Variants in APBB1IP observed in about 807,000 individuals in gnomAD.
The protein encoded by APBB1IP is amyloid beta precursor protein binding family B member 1 interacting protein, also known as amyloid beta A4 precursor protein-binding family B member 1-interacting protein.
APBB1IP carries 27 observed loss-of-function variants against 64.9 expected under a neutral mutation model. The ratio of observed to expected loss-of-function variants is 0.42; its 90% CI spans 0.31 to 0.57. The LOEUF is 0.57. APBB1IP is among the 20% of genes least tolerant of loss of function. APBB1IP has a pLI of 0.20. For synonymous variants in APBB1IP, 392 were observed against 331.0 expected, an observed-to-expected ratio of 1.18 and a Z score of -2.00; for missense variants, 812 against 845.5, an observed-to-expected ratio of 0.96 and a Z score of 0.49.
chr10:26,445,167 A>T (rs1835382151), intron 2 of APBB1IP, among the ~76,000 whole-genome samples: 2 of 151,292 alleles, frequency 1.3e-5, no homozygotes, highest in African/African-American at 4.8e-5. Context: ...AAAGAAAGAA[A>T]GAAAGAAAGA....
Position 26,567,361 on chromosome 10 carries a change from A to G in APBB1IP, c.1874A>G (p.Lys625Arg). 1.3e-6 allele frequency: 2 copies of G among 1,533,282 alleles called. No individual in the cohort carries two copies. The highest frequency in any genetic ancestry group is 1.8e-6 in the Non-Finnish European group (2 of 1,133,292). 95.0% of individuals were successfully genotyped at this position (1,533,282 alleles called of 1,614,324 possible). A position where few individuals can be genotyped will look rare whatever the true frequency, so the allele number is the denominator to read the frequency against. The change falls in exon 15 of 15, where the codon AAG becomes AGG. Residue 625 changes from lysine (K) to arginine (R), a missense_variant. This residue lies in a region of APBB1IP where 381 missense variants were observed against 352.1 expected (regional missense o/e 1.08). Coordinates refer to ENST00000376236, the MANE Select transcript of APBB1IP (RefSeq NM_019043.4). Reference protein sequence around the residue: ...DSARPPPAVAKRPPVPPKRQE... With the variant: ...DSARPPPAVARRPPVPPKRQE... ...GCCAGGCCGCCCCCCGCGGTGGCCAAGAGGCCTCCTGTGCCCCCCAAGAGG... is the reference window on the plus strand; with the variant it reads ...GCCAGGCCGCCCCCCGCGGTGGCCAGGAGGCCTCCTGTGCCCCCCAAGAGG...
chr10:26,465,336 T>C (rs1303301418), intron 2 of APBB1IP, among the ~76,000 whole-genome samples: 1 of 152,208 alleles, frequency 6.6e-6, no homozygotes, highest in Non-Finnish European at 1.5e-5. Flanking sequence ...TTGCTGTTTG[T>C]GACACTCTGT....
intron 6 of APBB1IP, among the ~76,000 whole-genome samples, 185 bp downstream of exon 6, chr10:26,503,459 C>T (rs1019935844): frequency 1.3e-5 from 2 of 152,086 alleles, no homozygotes; most frequent in Non-Finnish European, 2.9e-5. Context: ...CATGGCAAAA[C>T]CCCGTCTCTA....
At chr10:26,476,349 A>G (rs1835775161) in intron 2 of APBB1IP, among the ~76,000 whole-genome samples, 1 of 150,148 alleles carries the variant, frequency 6.7e-6, no homozygotes, top group African/African-American at 2.4e-5. Flanking sequence ...TGGGAGGCTG[A>G]AGCAGGAGGA....
At chr10:26,462,091 C>T (rs913998712) in intron 2 of APBB1IP, among the ~76,000 whole-genome samples, 1 of 152,178 alleles carries the variant, frequency 6.6e-6, no homozygotes, top group African/African-American at 2.4e-5. Flanking sequence ...ACTAGCCATG[C>T]TTGTTTGTTT....
At chr10:26,496,016 A>G (rs921934899) in intron 3 of APBB1IP, among the ~76,000 whole-genome samples, 2 of 145,292 alleles carry the variant, frequency 1.4e-5, no homozygotes, top group African/African-American at 5.1e-5. Flanking sequence ...GTGTGTGTTC[A>G]CCATTACAAG....
chr10:26,447,068 G>A (rs948425977), intron 2 of APBB1IP, among the ~76,000 whole-genome samples: 1 of 152,210 alleles, frequency 6.6e-6, no homozygotes, highest in East Asian at 1.9e-4. Flanking sequence ...CTTTGAAGGA[G>A]AAAGGTATAG....
intron 4 of APBB1IP, among the ~76,000 whole-genome samples, chr10:26,499,752 C>G (rs374722539): frequency 6.6e-6 from 1 of 152,138 alleles, no homozygotes; most frequent in African/African-American, 2.4e-5. Context: ...TGGAAGAAAT[C>G]CTAAGGAGAT....
intron 8 of APBB1IP, among the ~76,000 whole-genome samples, chr10:26,532,894 C>T (rs557520269): frequency 3.2e-4 from 49 of 152,244 alleles, no homozygotes; most frequent in Middle Eastern, 3.4e-3. Flanking sequence ...AATAGTAAAC[C>T]TTGTGTTGTG....
At chr10:26,528,744 C>T (rs1172607813) in intron 8 of APBB1IP, among the ~76,000 whole-genome samples, 1 of 152,146 alleles carries the variant, frequency 6.6e-6, no homozygotes, top group Non-Finnish European at 1.5e-5. Flanking sequence ...TCAAACCAGC[C>T]TGGGCAACAT....
intron 7 of APBB1IP, 82 bp downstream of exon 7, chr10:26,511,988 T>A (rs1836267189): frequency 7.0e-7 from 1 of 1,438,406 alleles, no homozygotes; most frequent in Non-Finnish European, 9.5e-7. Context: ...TATTCTTTTT[T>A]TCTCTTTAAT....
At chr10:26,471,830 ACG>A (rs1835719967) in intron 2 of APBB1IP, among the ~76,000 whole-genome samples, 1 of 152,072 alleles carries the variant, frequency 6.6e-6, no homozygotes, top group African/African-American at 2.4e-5. Context: ...GATGACAGGC[ACG>A]TGCCACCATG....
chr10:26,496,557 G>C (rs1048307911), intron 4 of APBB1IP, among the ~76,000 whole-genome samples, 166 bp downstream of exon 4: 2 of 152,038 alleles, frequency 1.3e-5, no homozygotes, highest in Non-Finnish European at 2.9e-5. Context: ...AGATTGAATT[G>C]AGAGAGTCAA....
At chr10:26,557,479 C>A (rs1025227330) in intron 11 of APBB1IP, among the ~76,000 whole-genome samples, 1 of 152,166 alleles carries the variant, frequency 6.6e-6, no homozygotes, top group Non-Finnish European at 1.5e-5. Flanking sequence ...TCCTCAGTTG[C>A]CTGAAAAGAC....
chr10:26,449,102 A>C (rs1404719447), intron 2 of APBB1IP, among the ~76,000 whole-genome samples: 1 of 152,170 alleles, frequency 6.6e-6, no homozygotes, highest in Non-Finnish European at 1.5e-5. Flanking sequence ...ATTCCAGTGC[A>C]GTTCTTTCCT....
At chr10:26,543,416 G>A (rs1396901338) in intron 11 of APBB1IP, among the ~76,000 whole-genome samples, 2 of 149,764 alleles carry the variant, frequency 1.3e-5, no homozygotes, top group Non-Finnish European at 1.5e-5. Flanking sequence ...GCAGTGAGCC[G>A]AGATCGCACC....
chr10:26,455,672 T>C (rs1182701362), intron 2 of APBB1IP, among the ~76,000 whole-genome samples: 3 of 150,642 alleles, frequency 2.0e-5, no homozygotes, highest in African/African-American at 7.3e-5. Flanking sequence ...ATTCAGCTGT[T>C]TAGAGTTTTG....
chr10:26,443,631 C>G (rs896729292), intron 2 of APBB1IP, among the ~76,000 whole-genome samples: 1 of 152,008 alleles, frequency 6.6e-6, no homozygotes, highest in Non-Finnish European at 1.5e-5. Context: ...ACCTCCTGGG[C>G]TCAAGCAATC....
At chr10:26,458,157 G>T (rs541601684) in intron 2 of APBB1IP, among the ~76,000 whole-genome samples, 12 of 152,198 alleles carry the variant, frequency 7.9e-5, no homozygotes, top group Non-Finnish European at 1.6e-4. Context: ...GGAGGCCAAG[G>T]TCGGTGGATC....
Sources: allele counts gnomAD v4.1 joint callset (sites outside exome capture counted in the v4.1 genomes callset), GRCh38; gene constraint gnomAD v4.1.1; regional missense constraint gnomAD v4.1.1; transcripts MANE v1.5; gene names NCBI Gene and HGNC (gene_info 2026-07-23, HGNC 2026-07-21).